The following MAMLD1 variants were observed in gnomAD, a reference collection of about 807,000 sequenced individuals.
MAMLD1 encodes mastermind like domain containing 1, also known as mastermind-like domain-containing protein 1.
A neutral mutation model predicts 45.0 loss-of-function variants in MAMLD1; 14 were observed. The ratio of observed to expected loss-of-function variants is 0.31; its 90% CI spans 0.21 to 0.49. The LOEUF (loss-of-function observed/expected upper bound fraction) is 0.49. MAMLD1 is among the 20% of genes least tolerant of loss of function. The pLI is 0.99. For missense variants in MAMLD1, 543 were observed against 603.6 expected (o/e 0.90, Z 1.05); for synonymous variants, 254 against 247.8 (o/e 1.02, Z -0.24).
At chrX:150,444,509 A>G (rs189223265) in intron 1 of MAMLD1, among the ~76,000 whole-genome samples, 8 of 111,799 alleles carry the variant, frequency 7.2e-5, no homozygotes, top group Non-Finnish European at 1.5e-4. Context: ...CCTAACCAGT[A>G]TACTTTTTTC....
chrX:150,510,367 C>G (rs1475547524), intron 7 of MAMLD1, among the ~76,000 whole-genome samples: 1 of 111,687 alleles, frequency 9.0e-6, no homozygotes, highest in Non-Finnish European at 1.9e-5. Flanking sequence ...GCCACACCCC[C>G]AGGGCTCTGA....
intron 1 of MAMLD1, among the ~76,000 whole-genome samples, chrX:150,430,316 C>G (rs1352943749): frequency 1.8e-5 from 2 of 111,009 alleles, no homozygotes; most frequent in Non-Finnish European, 3.8e-5. Context: ...GGTTTGTCTT[C>G]TTACTGTTAA....
At chrX:150,421,115 C>G in intron 1 of MAMLD1, 1 of 116,161 alleles carries the variant, frequency 8.6e-6, no homozygotes, top group Non-Finnish European at 1.8e-5. Context: ...CCCTCCGAGC[C>G]AGGTGCGGGA....
chrX:150,505,160 C>T, intron 6 of MAMLD1: 1 of 606,242 alleles, frequency 1.6e-6, no homozygotes. Flanking sequence ...TTTGTGAAGC[C>T]CCCAGTGACA....
intron 2 of MAMLD1, among the ~76,000 whole-genome samples, chrX:150,453,190 T>C (rs782428307): frequency 4.3e-4 from 48 of 111,203 alleles, no homozygotes; most frequent in East Asian, 1.1e-3. Flanking sequence ...AGGTCAGAGG[T>C]TGGCAAACTA....
rs1260365066 is a variant in MAMLD1, at chrX:150,432,903, T to C, written c.-63-12551T>C. Among the ~76,000 whole-genome samples the C allele has an allele frequency of 2.7e-5, 3 of 112,164 alleles. No individual in the cohort carries two copies. The East Asian group carries it at 8.3e-4, about 31-fold the overall frequency. On this transcript the variant is annotated intron_variant, in intron 1 of 7. Transcript: ENST00000370401. ...GGATTGCCTTGACTATTTCAGTTTC[T>C]TTTAGGTTCCATATGAATTTTATTT...
chrX:150,370,297 G>A (rs1220309819), intron 1 of MAMLD1, among the ~76,000 whole-genome samples: 1 of 111,693 alleles, frequency 9.0e-6, no homozygotes, highest in African/African-American at 3.3e-5. Context: ...ATTGGAACTG[G>A]CCTGGTTTTG....
chrX:150,419,135 A>T (rs1264806792), intron 1 of MAMLD1, among the ~76,000 whole-genome samples: 6 of 98,571 alleles, frequency 6.1e-5, no homozygotes, highest in Non-Finnish European at 1.2e-4. Context: ...TATTGGGTGC[A>T]TATATATTTA....
Position 150,403,942 on chromosome X carries a change from A to AGACAG in MAMLD1, c.-64+40412_-64+40413insGACAG, listed in dbSNP as rs2033900938. On this transcript the variant is annotated intron_variant, in intron 1 of 7. Transcript: ENST00000370401. ...GAAAGAAAGACAGAGAAAGAAAGAA[A>AGACAG]AGAAAGAAAGAAAGAAAGAAAGAAA... Among the ~76,000 whole-genome samples, 283 of 48,172 alleles carry AGACAG rather than the reference A, an allele frequency of 5.9e-3. 1 individual carries two copies. The highest frequency in any genetic ancestry group is 0.022 in the Middle Eastern group (2 of 93). 41.8% of individuals were successfully genotyped at this position (48,172 alleles called of 115,157 possible). A position where few individuals can be genotyped will look rare whatever the true frequency, so the allele number is the denominator to read the frequency against.
chrX:150,478,115 A>T (rs1000208295), intron 5 of MAMLD1, among the ~76,000 whole-genome samples: 1 of 112,190 alleles, frequency 8.9e-6, no homozygotes, highest in African/African-American at 3.2e-5. Flanking sequence ...CATAACCTTT[A>T]ATTACTGCTG....
chrX:150,404,622 G>A (rs1247508275), intron 1 of MAMLD1, among the ~76,000 whole-genome samples: 3 of 111,603 alleles, frequency 2.7e-5, no homozygotes, highest in Non-Finnish European at 5.6e-5. Context: ...CATCACCCCA[G>A]TCAAGATGAT....
chrX:150,377,401 C>T (rs1557401486), intron 1 of MAMLD1, among the ~76,000 whole-genome samples: 1 of 113,317 alleles, frequency 8.8e-6, no homozygotes, highest in Non-Finnish European at 1.9e-5. Context: ...CAGTACAGTA[C>T]ATGACCTTTA....
At chrX:150,453,822 G>A (rs782226866) in intron 2 of MAMLD1, among the ~76,000 whole-genome samples, 4 of 112,152 alleles carry the variant, frequency 3.6e-5, no homozygotes, top group Non-Finnish European at 7.5e-5. Flanking sequence ...CTGCCCTCCT[G>A]CCTGGGATGC....
At chrX:150,392,273 A>G (rs782387743) in intron 1 of MAMLD1, among the ~76,000 whole-genome samples, 2 of 111,848 alleles carry the variant, frequency 1.8e-5, no homozygotes, top group South Asian at 3.8e-4. Context: ...TCAGCTCCCC[A>G]CTAGTCTTTG....
chrX:150,465,257 C>T (rs1460918369), intron 3 of MAMLD1, among the ~76,000 whole-genome samples: 2 of 112,133 alleles, frequency 1.8e-5, no homozygotes, highest in African/African-American at 6.5e-5. Context: ...GGACTGTATT[C>T]GTATAATCTC....
chrX:150,486,483 G>A (rs1322689367), intron 5 of MAMLD1, among the ~76,000 whole-genome samples: 1 of 111,905 alleles, frequency 8.9e-6, no homozygotes, highest in Non-Finnish European at 1.9e-5. Flanking sequence ...TGGGCCAAAC[G>A]AAGCTGCCTA....
chrX:150,510,127 T>C (rs1557409063), intron 7 of MAMLD1, 81 bp downstream of exon 7: 12 of 626,136 alleles, frequency 1.9e-5, no homozygotes, highest in Non-Finnish European at 1.5e-5. Context: ...CATTTCAGAG[T>C]AAGCAGTTAC....
At chrX:150,456,571 T>A (rs2035873944) in intron 2 of MAMLD1, among the ~76,000 whole-genome samples, 1 of 111,684 alleles carries the variant, frequency 9.0e-6, no homozygotes, top group Admixed American at 9.5e-5. Context: ...TGTCATGTCA[T>A]GAACATGATA....
intron 1 of MAMLD1, among the ~76,000 whole-genome samples, chrX:150,443,873 G>A (rs2035404099): frequency 9.0e-6 from 1 of 111,422 alleles, no homozygotes; most frequent in Admixed American, 9.5e-5. Flanking sequence ...TGACATCTGT[G>A]TCATCTTGCT....
Sources: gnomAD v4.1 joint callset for allele counts (sites outside exome capture counted in the v4.1 genomes callset) on GRCh38, gnomAD v4.1.1 for gene constraint, MANE v1.5 for transcripts, NCBI Gene and HGNC (gene_info 2026-07-23, HGNC 2026-07-21) for gene names.